The following TTC3 variants were observed in gnomAD, a reference collection of about 807,000 sequenced individuals.
TTC3 encodes tetratricopeptide repeat domain 3.
A neutral mutation model predicts 249.6 loss-of-function variants in TTC3; 180 were observed. That is an observed-to-expected ratio of 0.72 (90% confidence interval 0.64 to 0.82). The LOEUF is 0.82. TTC3 is among the 40% of genes least tolerant of loss of function. The pLI is 0.00. For missense variants in TTC3, 2,061 were observed against 2,398.4 expected (o/e 0.86, Z 2.94); for synonymous variants, 717 against 805.0 (o/e 0.89, Z 1.85).
chr21:37,162,699 A>G (rs1270054246), intron 31 of TTC3, among the ~76,000 whole-genome samples: 1 of 151,848 alleles, frequency 6.6e-6, no homozygotes, highest in African/African-American at 2.4e-5. Context: ...TAAGTAGGGT[A>G]ATTGTTTTAA....
Position 37,166,173 on chromosome 21 carries a change from A to G in TTC3, c.3959A>G (p.Tyr1320Cys), listed in dbSNP as rs767573057. The G allele has an allele frequency of 2.5e-6, 4 of 1,614,174 alleles. No homozygotes were observed. In the Admixed American group the frequency reaches 5.0e-5, roughly 20 times the overall value. ...CATTTGGTCACAGGATACTGTACGT[A>G]TCTTCCTTTCCAGAGATTTGATATC... is the stretch of plus-strand genomic sequence containing the variant. The change falls in exon 33 of 46, where the codon TAT becomes TGT. Residue 1320 changes from tyrosine (Y) to cysteine (C), a missense_variant. This residue lies in a region of TTC3 where 1,040 missense variants were observed against 1,186.1 expected (regional missense o/e 0.88). Transcript: ENST00000355666.
At chr21:37,142,443 C>T (rs1569035776) in intron 20 of TTC3, among the ~76,000 whole-genome samples, 1 of 152,168 alleles carries the variant, frequency 6.6e-6, no homozygotes, top group Non-Finnish European at 1.5e-5. Context: ...CACAAGCATT[C>T]TTATACACCA....
chr21:37,145,590 G>T (rs2078915188), intron 21 of TTC3, among the ~76,000 whole-genome samples: 1 of 152,208 alleles, frequency 6.6e-6, no homozygotes, highest in Non-Finnish European at 1.5e-5. Flanking sequence ...GTTAAACATA[G>T]AGTTACCATG....
chr21:37,112,481 AC>A (rs1568949985), intron 11 of TTC3, among the ~76,000 whole-genome samples: 2 of 152,346 alleles, frequency 1.3e-5, no homozygotes, highest in African/African-American at 4.8e-5. Flanking sequence ...CTCTCCCAAG[AC>A]TAAACCAGGA....
intron 20 of TTC3, among the ~76,000 whole-genome samples, chr21:37,143,336 C>T (rs1207397810): frequency 6.6e-6 from 1 of 151,872 alleles, no homozygotes; most frequent in African/African-American, 2.4e-5. Flanking sequence ...AAAATTTTTG[C>T]AATCTACTCA....
chr21:37,163,712 C>T (rs1305823117), intron 31 of TTC3, among the ~76,000 whole-genome samples: 1 of 152,172 alleles, frequency 6.6e-6, no homozygotes, highest in African/African-American at 2.4e-5. Context: ...TAATTTATAG[C>T]AGTTATAATA....
At chr21:37,199,826 A>G (rs1052637159) in intron 44 of TTC3, among the ~76,000 whole-genome samples, 2 of 152,188 alleles carry the variant, frequency 1.3e-5, no homozygotes, top group African/African-American at 2.4e-5. Flanking sequence ...GGCTTCCGTC[A>G]TGATTTTCCT....
chr21:37,144,754 T>TA lies in TTC3; in HGVS notation c.1893+110dup, dbSNP rs2078836989. Reference sequence around the variant, plus strand: ...AGGAGCATTCCATCCCCACCTCCCTTACACGCATTTCCCCTCTACTGTCTA... The same window carrying TA: ...AGGAGCATTCCATCCCCACCTCCCTTAACACGCATTTCCCCTCTACTGTCTA... On this transcript the variant is annotated intron_variant, in intron 21 of 45. Transcript: ENST00000355666. 2.2e-6 allele frequency: 3 copies of TA among 1,354,006 alleles called. No homozygotes were observed. The African/African-American group carries it at 4.4e-5, about 20-fold the overall frequency. 83.9% of individuals were successfully genotyped at this position (1,354,006 alleles called of 1,614,324 possible). A position where few individuals can be genotyped will look rare whatever the true frequency, so the allele number is the denominator to read the frequency against.
Position 37,179,943 on chromosome 21 carries a change from C to A in TTC3, c.4618-2831C>A, listed in dbSNP as rs116420061. 5.5e-3 allele frequency among the ~76,000 whole-genome samples: 840 copies of A among 152,348 alleles called. 12 individuals carry two copies. Among genetic ancestry groups the A allele is most frequent in the African/African-American group, 0.019 (793 of 41,578 alleles). ...TTGTGTTTTCATGTTCTCTATCAGC[C>A]TACATCAGAGGACATCAGGCTCACA... On this transcript the variant is annotated intron_variant, in intron 35 of 45. Transcript: ENST00000355666.
chr21:37,195,952 G>GT lies in TTC3; in HGVS notation c.5496dup (p.Ala1833CysfsTer14). The GT allele has an allele frequency of 3.1e-6, 5 of 1,614,208 alleles. No individual in the cohort carries two copies. The highest frequency in any genetic ancestry group is 4.2e-6 in the Non-Finnish European group (5 of 1,180,018). On this transcript the variant is annotated frameshift_variant, in exon 42 of 46. Transcript: ENST00000355666. LOFTEE classifies it high-confidence loss of function. ...CGGAAGCAGCCTGTTCCTCCAGGACGTGCTGCGCGTTCAAGCCAGTCTCCA... is the reference window on the plus strand; with the variant it reads ...CGGAAGCAGCCTGTTCCTCCAGGACGTTGCTGCGCGTTCAAGCCAGTCTCCA...
intron 21 of TTC3, among the ~76,000 whole-genome samples, chr21:37,146,618 C>T (rs937096890): frequency 2.0e-5 from 3 of 152,066 alleles, no homozygotes; most frequent in African/African-American, 7.2e-5. Flanking sequence ...TTGTGTGAGT[C>T]CATTCCTATG....
At chr21:37,182,471 A>T (rs2082844790) in intron 35 of TTC3, among the ~76,000 whole-genome samples, 2 of 152,248 alleles carry the variant, frequency 1.3e-5, no homozygotes, top group Admixed American at 1.3e-4. Flanking sequence ...CTCCCTGTAG[A>T]TTAGAGAATC....
intron 1 of TTC3, chr21:37,086,096 G>A (rs2072429876): frequency 6.6e-6 from 1 of 152,210 alleles, no homozygotes; most frequent in Admixed American, 6.5e-5. Context: ...CAAATAGTTT[G>A]CTAGGAAGAT....
chr21:37,126,682 G>A (rs2077064282), intron 15 of TTC3, among the ~76,000 whole-genome samples: 1 of 152,130 alleles, frequency 6.6e-6, no homozygotes, highest in Non-Finnish European at 1.5e-5. Context: ...TAGCTTATAA[G>A]CAACAAACAT....
At chr21:37,078,350 G>T (rs9977602) in intron 1 of TTC3, among the ~76,000 whole-genome samples, 69,309 of 151,950 alleles carry the variant, frequency 0.46, 16,329 homozygotes, top group Non-Finnish European at 0.52. Flanking sequence ...GAAAAACCCT[G>T]TAGGTATTAA....
intron 44 of TTC3, among the ~76,000 whole-genome samples, chr21:37,199,165 A>C (rs1012679493): frequency 6.6e-6 from 1 of 152,196 alleles, no homozygotes; most frequent in African/African-American, 2.4e-5. Context: ...CAGCAGTTCA[A>C]GGTCTTCTCA....
intron 13 of TTC3, among the ~76,000 whole-genome samples, 154 bp from the exon 14 acceptor site, chr21:37,124,465 T>A (rs2076899538): frequency 6.6e-6 from 1 of 152,194 alleles, no homozygotes; most frequent in African/African-American, 2.4e-5. Context: ...TATAAAATAA[T>A]GTTTATGTAT....
chr21:37,150,022 A>ATTTCT (rs1455237566), intron 23 of TTC3, 56 bp from the exon 24 acceptor site: 1 of 1,295,690 alleles, frequency 7.7e-7, no homozygotes, highest in Non-Finnish European at 1.1e-6. Context: ...ACGTGTATAG[A>ATTTCT]TTTATCCCCC....
At position 37,157,119 on chromosome 21, in the gene TTC3, G is replaced by C. The variant is rs913195212; in HGVS notation, c.2992+213G>C. ...TCAGTTAAAGAGATACTCAAATGTA[G>C]GTATGTTATGCTAACAATACACAAT... On this transcript the variant is annotated intron_variant, in intron 28 of 45. Coordinates refer to ENST00000355666, the Ensembl canonical transcript of TTC3. 5 of 1,407,386 alleles carry C rather than the reference G, an allele frequency of 3.6e-6. No homozygotes were observed. The Admixed American group carries it at 1.1e-4, about 30-fold the overall frequency. The allele number at this position is 1,407,386 out of a possible 1,614,324, so 87.2% of individuals were successfully genotyped here. A position where few individuals can be genotyped will look rare whatever the true frequency, so the allele number is the denominator to read the frequency against.
Sources: allele counts gnomAD v4.1 joint callset (sites outside exome capture counted in the v4.1 genomes callset), GRCh38; gene constraint gnomAD v4.1.1; regional missense constraint gnomAD v4.1.1; transcripts MANE v1.5; gene names NCBI Gene and HGNC (gene_info 2026-07-23, HGNC 2026-07-21).